LILRB2: variants seen among roughly 807,000 people sequenced by gnomAD.
LILRB2 encodes leukocyte immunoglobulin-like receptor subfamily B member 2.
A neutral mutation model predicts 72.7 loss-of-function variants in LILRB2; 47 were observed. That is an observed-to-expected ratio of 0.65 (90% CI 0.51 to 0.82). The LOEUF is 0.82. Ranked by LOEUF, LILRB2 falls within the 40% of genes least tolerant of loss-of-function variation. The pLI is 0.00. For missense variants in LILRB2, 767 were observed against 764.8 expected (o/e 1.00, Z -0.03); for synonymous variants, 279 against 313.7 (o/e 0.89, Z 1.17).
rs769476596 is a variant in LILRB2, at chr19:54,279,496, G to T, written c.507C>A (p.Ser169=). 6.2e-6 allele frequency: 10 copies of T among 1,614,158 alleles called. No individual in the cohort carries two copies. The highest frequency in any genetic ancestry group is 8.5e-6 in the Non-Finnish European group (10 of 1,180,016). The stretch of plus-strand genomic sequence containing the variant: ...GGGACGACCCACGGGCATGGGGCTG[G>T]GAGTTCAGGCATTGTGGGTGTTCAT... ...GEDEHPQCLN[S]QPHARGSSRA... The change falls in exon 5 of 14, where the codon TCC becomes TCA. Residue 169 remains serine (S), a synonymous_variant. Transcript: ENST00000314446.
In LILRB2 at chr19:54,275,559, C is replaced by T. The variant is rs1342914833; in HGVS notation, c.1647+392G>A. The T allele has an allele frequency of 3.1e-5, 16 of 517,324 alleles. 1 individual carries two copies. Among genetic ancestry groups the T allele is most frequent in the South Asian group, 1.1e-4 (7 of 64,926 alleles). The allele number at this position is 517,324 out of a possible 1,614,324, so 32.0% of individuals were successfully genotyped here. ...ATGAGGTGAGCTCAGGAGGCGGGGG[C>T]GGCTTTGCTCCCTGCTGTGTCTGCA... On this transcript the variant is annotated intron_variant, in intron 13 of 13. Transcript: ENST00000314446.
chr19:54,276,285 C>A lies in LILRB2; in HGVS notation c.1573G>T (p.Asp525Tyr), dbSNP rs369899348. The change falls in exon 12 of 14, where the codon GAC (aspartate) becomes TAC (tyrosine). Residue 525 changes from aspartate (D) to tyrosine (Y), a missense_variant. This residue lies in a region of LILRB2 where 162 missense variants were observed against 176.7 expected (regional missense o/e 0.92). Coordinates refer to ENST00000314446, the MANE Select transcript of LILRB2 (RefSeq NM_001080978.4). ...TCACAGAGGTTTTCTTCCTGGGCGT[C>A]GGCAGCTGGGCTGGACCTGGGGGAG... ...GLQWRSSPAADAQEENLYAAV... is the reference protein window; with the variant it reads ...GLQWRSSPAAYAQEENLYAAV... 5.6e-5 allele frequency: 91 copies of A among 1,614,040 alleles called. No individual in the cohort carries two copies. The highest frequency in any genetic ancestry group is 7.5e-5 in the Non-Finnish European group (89 of 1,180,026).
Position 54,279,784 on chromosome 19 carries a change from C to T in LILRB2, c.355+7G>A, listed in dbSNP as rs1402396736. ...CCTGGGGCTGGGATCCCTGAGTGTC[C>T]TCTCACCTGTCATCACCAGCACCAG... On this transcript the variant is annotated splice_region_variant and intron_variant, in intron 4 of 13. Transcript: ENST00000314446. The T allele has an allele frequency of 1.2e-6, 2 of 1,613,554 alleles. No homozygotes were observed. The highest frequency in any genetic ancestry group is 1.7e-5 in the Admixed American group (1 of 59,986).
rs776498771 is a variant in LILRB2 at position 54,277,541 on chromosome 19, C to G, written c.1357+9G>C. 13 of 1,568,028 alleles carry G rather than the reference C, an allele frequency of 8.3e-6. No individual in the cohort carries two copies. Among genetic ancestry groups the G allele is most frequent in the Middle Eastern group, 1.7e-4 (1 of 5,894 alleles). Reference sequence around the variant, plus strand: ...CCCGCCCACCTCCCACTCAGAGCCCCTCACTCACCACTTTGGGGATCCGAC... The same window carrying G: ...CCCGCCCACCTCCCACTCAGAGCCCGTCACTCACCACTTTGGGGATCCGAC... On this transcript the variant is annotated intron_variant, in intron 9 of 13. Coordinates refer to ENST00000314446, the MANE Select transcript of LILRB2 (RefSeq NM_001080978.4).
chr19:54,277,883 A>T lies in LILRB2; in HGVS notation c.1309+6T>A, dbSNP rs1273178492. On this transcript the variant is annotated splice_donor_region_variant and intron_variant, in intron 8 of 13. Coordinates refer to ENST00000314446, the MANE Select transcript of LILRB2 (RefSeq NM_001080978.4). Reference sequence around the variant, plus strand: ...TCCCTTCGAGCCAGAGGCCTCAGGGACTCACCAGGTGTGGAGATGGGACCG... The same window carrying T: ...TCCCTTCGAGCCAGAGGCCTCAGGGTCTCACCAGGTGTGGAGATGGGACCG... 1 of 1,547,944 alleles carries T rather than the reference A, an allele frequency of 6.5e-7. No individual in the cohort carries two copies. The highest frequency in any genetic ancestry group is 8.7e-7 in the Non-Finnish European group (1 of 1,144,068).
At chr19:54,277,416 T>G in intron 9 of LILRB2, 134 bp downstream of exon 9, 1 of 1,392,140 alleles carries the variant, frequency 7.2e-7, no homozygotes, top group Non-Finnish European at 9.8e-7. Context: ...TCCTTTACAC[T>G]TGGAGAAACT....
Position 54,278,402 on chromosome 19 carries a change from G to A in LILRB2, c.1116C>T (p.His372=), listed in dbSNP as rs759172779. 30 of 1,614,082 alleles carry A rather than the reference G, an allele frequency of 1.9e-5. No homozygotes were observed. The highest frequency in any genetic ancestry group is 8.3e-5 in the Admixed American group (5 of 60,006). The change falls in exon 7 of 14, where the codon CAC becomes CAT. Residue 372 remains histidine (H), a synonymous_variant. Coordinates refer to ENST00000314446, the MANE Select transcript of LILRB2 (RefSeq NM_001080978.4). ...ATTCAGCCTGGTACTTAGGATATTC[G>A]TGTATTGATCTTAGACGGAGTGGGG... ...ADAPLRLRSI[H]EYPKYQAEFP...
Position 54,279,350 on chromosome 19 carries a change from A to G in LILRB2, c.653T>C (p.Val218Ala), listed in dbSNP as rs1414129762. The G allele has an allele frequency of 1.2e-6, 2 of 1,611,312 alleles. No individual in the cohort carries two copies. Among genetic ancestry groups the G allele is most frequent in the South Asian group, 1.1e-5 (1 of 90,944 alleles). The part of the protein sequence containing the change: ...SSPSDLLELL[V>A]PGVSKKPSLS... ...CAATGCTGTGAATTTCTCACCTGGG[A>G]CCAGGAGCTCCAGGAGATCACTGGG... The change falls in exon 5 of 14, where the codon GTC becomes GCC. Residue 218 changes from valine to alanine, a missense_variant. Transcript: ENST00000314446.
In LILRB2 at chr19:54,278,390, C is replaced by T; in HGVS notation, c.1128G>A (p.Lys376=). 1 of 1,614,216 alleles carries T rather than the reference C, an allele frequency of 6.2e-7. No individual in the cohort carries two copies. The highest frequency in any genetic ancestry group is 8.5e-7 in the Non-Finnish European group (1 of 1,180,028). The change falls in exon 7 of 14, where the codon AAG becomes AAA. Residue 376 remains lysine (K), a synonymous_variant. Transcript: ENST00000314446. ...GACTCATGGGGAATTCAGCCTGGTA[C>T]TTAGGATATTCGTGTATTGATCTTA... The part of the protein sequence containing the change: ...LRLRSIHEYP[K]YQAEFPMSPV...
chr19:54,279,939 C>T lies in LILRB2; in HGVS notation c.207G>A (p.Trp69Ter). Residue 69 changes from tryptophan to a stop codon, truncating the protein, a stop_gained, in exon 4 of 14, where the codon TGG becomes TGA. Transcript: ENST00000314446. LOFTEE classifies it high-confidence loss of function. Reference sequence around the variant, plus strand: ...CAAGCTCTGGTCGTATCCGTGTAATCCAAGATGCTGATTTTTTCTCCCTAT... The same window carrying T: ...CAAGCTCTGGTCGTATCCGTGTAATTCAAGATGCTGATTTTTTCTCCCTAT... ...RLYREKKSAS[W>*]ITRIRPELVK... is the part of the protein sequence containing the mutation. 6.2e-7 allele frequency: 1 copy of T among 1,614,114 alleles called. No homozygotes were observed. Among genetic ancestry groups the T allele is most frequent in the Non-Finnish European group, 8.5e-7 (1 of 1,180,002 alleles).
chr19:54,277,525 C>A (rs771746272), intron 9 of LILRB2, 25 bp downstream of exon 9: 2 of 1,558,448 alleles, frequency 1.3e-6, no homozygotes, highest in South Asian at 2.4e-5. Context: ...CCCCGCCCAC[C>A]TCCCACTCAG....
chr19:54,278,180 A>T, intron 7 of LILRB2, 80 bp downstream of exon 7: 2 of 1,570,134 alleles, frequency 1.3e-6, no homozygotes, highest in South Asian at 2.3e-5. Flanking sequence ...CGCTCACTCC[A>T]TCCCAGCCCA....
chr19:54,277,512 G>A, intron 9 of LILRB2, 38 bp downstream of exon 9: 1 of 1,554,038 alleles, frequency 6.4e-7, no homozygotes, highest in Non-Finnish European at 8.7e-7. Flanking sequence ...TGCCTCCCCG[G>A]GACCCCGCCC....
chr19:54,274,937 C>G, intron 13 of LILRB2, 108 bp from the exon 14 acceptor site: 2 of 1,610,690 alleles, frequency 1.2e-6, no homozygotes, highest in Non-Finnish European at 1.7e-6. Flanking sequence ...TCCTCTTCTG[C>G]CTGTCTGTCC....
At position 54,276,809 on chromosome 19, in the gene LILRB2, G is replaced by C. The variant is rs374263221; in HGVS notation, c.1478C>G (p.Ser493Trp). ...RHRRQGKHWT[S>W]TQRKADFQHP... ...AGGGTTTCCCCTTCCCTACTCACTC[G>C]ATGTCCAGTGTTTGCCCTGACGTCG... The change falls in exon 10 of 14, where the codon TCG becomes TGG. Residue 493 changes from serine (S) to tryptophan (W), a missense_variant and splice_region_variant. Physicochemically the swap from Ser to Trp is radical, Grantham distance 177. This residue lies in a region of LILRB2 where 162 missense variants were observed against 176.7 expected (regional missense o/e 0.92). Coordinates refer to ENST00000314446, the MANE Select transcript of LILRB2 (RefSeq NM_001080978.4). 3.1e-6 allele frequency: 5 copies of C among 1,613,066 alleles called. No individual in the cohort carries two copies. The highest frequency in any genetic ancestry group is 3.3e-5 in the Admixed American group (2 of 59,966).
Position 54,279,444 on chromosome 19 carries a change from T to G in LILRB2, c.559A>C (p.Ser187Arg). The G allele has an allele frequency of 6.2e-7, 1 of 1,614,168 alleles. No individual in the cohort carries two copies. The highest frequency in any genetic ancestry group is 1.6e-4 in the Middle Eastern group (1 of 6,062). Reference sequence around the variant, plus strand: ...CTGTGCGACCACCTGCGATTCGGGCTCACGGGGCCCACGGAGAAGATGGCG... The same window carrying G: ...CTGTGCGACCACCTGCGATTCGGGCGCACGGGGCCCACGGAGAAGATGGCG... ...SRAIFSVGPVSPNRRWSHRCY... is the reference protein window; with the variant it reads ...SRAIFSVGPVRPNRRWSHRCY... Residue 187 changes from serine (S) to arginine (R), a missense_variant, in exon 5 of 14, where the codon AGC becomes CGC. Ser to Arg is a moderately radical substitution (Grantham distance 110, BLOSUM62 -1). Around this residue, in one of 3 missense-constraint regions of LILRB2, gnomAD observed 599 missense variants for 568.2 expected, o/e 1.05. Coordinates refer to ENST00000314446, the MANE Select transcript of LILRB2 (RefSeq NM_001080978.4).
Position 54,274,518 on chromosome 19 carries a change from C to A in LILRB2, c.*165G>T. On this transcript the variant is annotated 3_prime_UTR_variant, in exon 14 of 14. Transcript: ENST00000314446. Reference sequence around the variant, plus strand: ...AAAAATGTAGGGATATTAGTTATTTCGACTGCAGAATCAAGTGAGTCCCAA... The same window carrying A: ...AAAAATGTAGGGATATTAGTTATTTAGACTGCAGAATCAAGTGAGTCCCAA... 7.8e-7 allele frequency: 1 copy of A among 1,285,488 alleles called. No individual in the cohort carries two copies. The highest frequency in any genetic ancestry group is 1.1e-6 in the Non-Finnish European group (1 of 948,138). The allele number at this position is 1,285,488 out of a possible 1,614,324, so 79.6% of individuals were successfully genotyped here. A position where few individuals can be genotyped will look rare whatever the true frequency, so the allele number is the denominator to read the frequency against.
rs752949543 is a variant in LILRB2 at position 54,279,440 on chromosome 19, G to C, written c.563C>G (p.Pro188Arg). Residue 188 changes from proline (P) to arginine (R), a missense_variant, in exon 5 of 14, where the codon CCG becomes CGG. This residue lies in a region of LILRB2 where 599 missense variants were observed against 568.2 expected (regional missense o/e 1.05). Coordinates refer to ENST00000314446, the MANE Select transcript of LILRB2 (RefSeq NM_001080978.4). ...GCACCTGTGCGACCACCTGCGATTC[G>C]GGCTCACGGGGCCCACGGAGAAGAT... is the stretch of plus-strand genomic sequence containing the variant. ...RAIFSVGPVSPNRRWSHRCYG... is the reference protein window; with the variant it reads ...RAIFSVGPVSRNRRWSHRCYG... 3 of 1,614,134 alleles carry C rather than the reference G, an allele frequency of 1.9e-6. No individual in the cohort carries two copies. In the East Asian group the frequency reaches 6.7e-5, roughly 36 times the overall value.
Position 54,279,351 on chromosome 19 carries a change from C to A in LILRB2, c.652G>T (p.Val218Phe). The A allele has an allele frequency of 1.2e-6, 2 of 1,611,302 alleles. No individual in the cohort carries two copies. Among genetic ancestry groups the A allele is most frequent in the South Asian group, 2.2e-5 (2 of 90,944 alleles). ...SSPSDLLELL[V>F]PGVSKKPSLS... ...AATGCTGTGAATTTCTCACCTGGGA[C>A]CAGGAGCTCCAGGAGATCACTGGGT... Residue 218 changes from valine to phenylalanine, a missense_variant, in exon 5 of 14, where the codon GTC (valine) becomes TTC (phenylalanine). By Grantham distance (50) the Val-to-Phe change is conservative (BLOSUM62 -1). Coordinates refer to ENST00000314446, the MANE Select transcript of LILRB2 (RefSeq NM_001080978.4).
Sources: gnomAD v4.1 joint callset for allele counts on GRCh38, gnomAD v4.1.1 for gene constraint, gnomAD v4.1.1 regional missense constraint, MANE v1.5 for transcripts, NCBI Gene and HGNC (gene_info 2026-07-23, HGNC 2026-07-21) for gene names.